The following NUP98 variants were observed in gnomAD, a reference collection of about 807,000 sequenced individuals.
NUP98 encodes the protein nucleoporin 98 and 96 precursor, also known as nuclear pore complex protein Nup98-Nup96.
A neutral mutation model predicts 191.9 loss-of-function variants in NUP98; 26 were observed. The observed-to-expected ratio is 0.14, with a 90% CI of 0.10 to 0.19. The LOEUF (loss-of-function observed/expected upper bound fraction) is 0.19. Among genes scored for constraint, NUP98 ranks in the 10% least tolerant of loss-of-function variants. The pLI, the probability that NUP98 is intolerant of heterozygous loss-of-function variation, is 1.00. For synonymous variants in NUP98, 808 were observed against 778.4 expected, an observed-to-expected ratio of 1.04 and a Z score of -0.63; for missense variants, 1,941 against 2,178.8, an observed-to-expected ratio of 0.89 and a Z score of 2.17.
intron 23 of NUP98, among the ~76,000 whole-genome samples, chr11:3,701,682 CTT>C (rs1564820335): frequency 6.6e-6 from 1 of 150,794 alleles, no homozygotes; most frequent in South Asian, 2.1e-4. Flanking sequence ...TTTTCTTTTT[CTT>C]TTCTCTCTTT....
intron 25 of NUP98, among the ~76,000 whole-genome samples, 160 bp from the exon 26 acceptor site, chr11:3,695,766 C>T (rs2078483154): frequency 6.6e-6 from 1 of 152,126 alleles, no homozygotes; most frequent in Non-Finnish European, 1.5e-5. Context: ...CAAAAACTTA[C>T]CATTTTCTGC....
At chr11:3,763,061 T>C (rs761733888) in intron 8 of NUP98, 22 bp from the exon 9 acceptor site, 8 of 1,605,722 alleles carry the variant, frequency 5.0e-6, no homozygotes, top group African/African-American at 1.3e-5. Flanking sequence ...TTTATATAGA[T>C]TAAAAGATAT....
At position 3,700,602 on chromosome 11, in the gene NUP98, G is replaced by A; in HGVS notation, c.3742+8C>T. On this transcript the variant is annotated splice_region_variant and intron_variant, in intron 24 of 32. Transcript: ENST00000324932. Reference sequence around the variant, plus strand: ...ACATCAAACATTAGAAACATAGTGTGTACTCACTTTGTGCTTCTGGTAAGT... The same window carrying A: ...ACATCAAACATTAGAAACATAGTGTATACTCACTTTGTGCTTCTGGTAAGT... 2 of 1,578,366 alleles carry A rather than the reference G, an allele frequency of 1.3e-6. No individual in the cohort carries two copies. The highest frequency in any genetic ancestry group is 1.1e-5 in the South Asian group (1 of 90,090).
Position 3,679,347 on chromosome 11 carries a change from T to C in NUP98, c.5073+207A>G. ...CAGGAATGTCTATTGCACATACTAG[T>C]TGGTAATCAACATAAAATAGCATTT... is the stretch of plus-strand genomic sequence containing the variant. On this transcript the variant is annotated intron_variant, in intron 31 of 32. Transcript: ENST00000324932. The C allele has an allele frequency of 4.4e-6, 3 of 675,028 alleles. No individual in the cohort carries two copies. In the South Asian group the frequency reaches 4.5e-5, roughly 10 times the overall value. The allele number at this position is 675,028 out of a possible 1,614,324, so 41.8% of individuals were successfully genotyped here.
At chr11:3,742,606 G>A (rs1486960824) in intron 12 of NUP98, among the ~76,000 whole-genome samples, 2 of 148,752 alleles carry the variant, frequency 1.3e-5, no homozygotes, top group Admixed American at 6.9e-5. Flanking sequence ...AGCTGAGGCA[G>A]CAGAATTGCT....
intron 20 of NUP98, chr11:3,711,739 A>G: frequency 1.9e-6 from 1 of 531,458 alleles, no homozygotes; most frequent in Non-Finnish European, 2.5e-6. Context: ...CCAAGATTAT[A>G]AACATAAAAG....
intron 10 of NUP98, among the ~76,000 whole-genome samples, chr11:3,755,593 A>T (rs1485419064): frequency 1.3e-5 from 2 of 152,338 alleles, no homozygotes; most frequent in Admixed American, 6.5e-5. Context: ...TTGGATTATT[A>T]TCTCAATGAA....
rs145817073 is a variant in NUP98, at chr11:3,795,612, G to A, written c.-29+1788C>T. ...CATTCAAGTAAACACACTTACTGAG[G>A]GCCTACTATGTGGCAAGCAACTGGA... On this transcript the variant is annotated intron_variant, in intron 1 of 32. Coordinates refer to ENST00000324932, the MANE Select transcript of NUP98 (RefSeq NM_016320.5). Among the ~76,000 whole-genome samples the A allele has an allele frequency of 3.3e-3, 501 of 151,926 alleles. 2 individuals are homozygous for A. Among genetic ancestry groups the A allele is most frequent in the African/African-American group, 0.011 (464 of 41,402 alleles).
At chr11:3,706,402 T>A in intron 21 of NUP98, 43 bp downstream of exon 21, 2 of 1,573,120 alleles carry the variant, frequency 1.3e-6, no homozygotes, top group Non-Finnish European at 1.7e-6. Flanking sequence ...GATAAAATAT[T>A]AGTTTGGCTT....
chr11:3,781,484 T>C (rs1480384787), intron 2 of NUP98: 1 of 110,472 alleles, frequency 9.1e-6, no homozygotes, highest in Non-Finnish European at 1.8e-5. Flanking sequence ...GGGTGGACTT[T>C]CTGGTTTTAA....
chr11:3,748,019 T>C (rs548925214), intron 11 of NUP98, among the ~76,000 whole-genome samples: 2 of 152,348 alleles, frequency 1.3e-5, no homozygotes, highest in African/African-American at 4.8e-5. Flanking sequence ...ATTGATTGTA[T>C]TCATCTTTTA....
At chr11:3,730,728 G>A (rs990064690) in intron 14 of NUP98, among the ~76,000 whole-genome samples, 9 of 152,058 alleles carry the variant, frequency 5.9e-5, no homozygotes, top group African/African-American at 1.4e-4. Context: ...CTTGAGCTGC[G>A]GAGGTTGAGG....
At chr11:3,698,975 C>G (rs2134095165) in intron 25 of NUP98, 107 bp downstream of exon 25, 1 of 1,288,788 alleles carries the variant, frequency 7.8e-7, no homozygotes, top group East Asian at 2.3e-5. Context: ...GCAATTAATA[C>G]TCATAGGCTA....
intron 31 of NUP98, chr11:3,676,823 G>A: frequency 1.5e-6 from 1 of 683,776 alleles, no homozygotes; most frequent in Non-Finnish European, 2.7e-6. Context: ...AGGTAACACA[G>A]TTACCTAGCC....
rs749481963 is a variant in NUP98 at position 3,676,561 on chromosome 11, A to C, written c.5133T>G (p.Ser1711Arg). ...QLHIKVTSLC[S>R]RIEQIQCYSA... Reference sequence around the variant, plus strand: ...TGTAACACTGAATCTGCTCTATCCGACTGCACAGTGAAGTCACTTTGATGT... The same window carrying C: ...TGTAACACTGAATCTGCTCTATCCGCCTGCACAGTGAAGTCACTTTGATGT... The change falls in exon 32 of 33, where the codon AGT (serine) becomes AGG (arginine). Residue 1711 changes from serine to arginine, a missense_variant. Ser to Arg is a moderately radical substitution (Grantham distance 110). Coordinates refer to ENST00000324932, the MANE Select transcript of NUP98 (RefSeq NM_016320.5). The C allele has an allele frequency of 6.2e-7, 1 of 1,614,084 alleles. No individual in the cohort carries two copies. The highest frequency in any genetic ancestry group is 1.3e-5 in the African/African-American group (1 of 74,918).
chr11:3,682,610 C>T (rs1407019624), intron 30 of NUP98, among the ~76,000 whole-genome samples: 1 of 152,134 alleles, frequency 6.6e-6, no homozygotes, highest in African/African-American at 2.4e-5. Context: ...CAGTTGGTGG[C>T]ACCCCAAAAC....
chr11:3,686,211 G>A lies in NUP98; in HGVS notation c.4455-17C>T, dbSNP rs931295591. 5 of 1,611,920 alleles carry A rather than the reference G, an allele frequency of 3.1e-6. No individual in the cohort carries two copies. Among genetic ancestry groups the A allele is most frequent in the Admixed American group, 3.3e-5 (2 of 60,014 alleles). On this transcript the variant is annotated splice_polypyrimidine_tract_variant and intron_variant, in intron 28 of 32. Transcript: ENST00000324932. ...TCATAATGTCTGCAAAGAACGTGTT[G>A]AGAGTCAACATACACAGCCAGGAGA...
intron 1 of NUP98, among the ~76,000 whole-genome samples, chr11:3,789,581 T>C (rs957701467): frequency 2.0e-5 from 3 of 148,890 alleles, no homozygotes; most frequent in Non-Finnish European, 4.5e-5. Context: ...AGTGGCATGA[T>C]CATGGCTCAC....
chr11:3,740,099 A>G (rs1378449699), intron 12 of NUP98, among the ~76,000 whole-genome samples: 1 of 152,184 alleles, frequency 6.6e-6, no homozygotes, highest in Non-Finnish European at 1.5e-5. Context: ...ATGTTGTCCA[A>G]GGGTCTACTA....
Sources: allele counts gnomAD v4.1 joint callset (sites outside exome capture counted in the v4.1 genomes callset), GRCh38; gene constraint gnomAD v4.1.1; transcripts MANE v1.5; gene names NCBI Gene and HGNC (gene_info 2026-07-23, HGNC 2026-07-21).